FHIT: variants seen among roughly 807,000 people sequenced by gnomAD.
The protein encoded by FHIT is bis(5'-adenosyl)-triphosphatase.
Under a neutral mutation model 17.9 loss-of-function variants are expected in FHIT, and 19 were observed. The ratio of observed to expected loss-of-function variants is 1.06; its 90% confidence interval spans 0.74 to 1.56. The LOEUF is 1.56. Ranked by LOEUF, FHIT falls within the 40% of genes most tolerant of loss-of-function variation. The probability of loss-of-function intolerance (pLI) is 0.00; values close to 1 mark genes in which losing one functional copy is unlikely to be tolerated. For synonymous variants in FHIT, 81 were observed against 69.7 expected (o/e 1.16, Z -0.81); for missense variants, 248 against 189.2 (o/e 1.31, Z -1.82).
chr3:59,844,871 A>G (rs1162037580), intron 8 of FHIT, among the ~76,000 whole-genome samples: 1 of 152,126 alleles, frequency 6.6e-6, no homozygotes, highest in African/African-American at 2.4e-5. Context: ...TTTGAAAAAG[A>G]TCGGTTTAGT....
At chr3:60,224,896 T>C (rs985466416) in intron 5 of FHIT, among the ~76,000 whole-genome samples, 32 of 151,930 alleles carry the variant, frequency 2.1e-4, no homozygotes, top group African/African-American at 5.8e-4. Context: ...AATTTTTGTA[T>C]TTTTAGTAGA....
At chr3:60,613,465 A>G (rs1400319093) in intron 4 of FHIT, among the ~76,000 whole-genome samples, 1 of 152,198 alleles carries the variant, frequency 6.6e-6, no homozygotes, top group Non-Finnish European at 1.5e-5. Flanking sequence ...AGTGAAGCTC[A>G]GGGTTTAGCA....
At chr3:60,121,396 T>G in intron 5 of FHIT, among the ~76,000 whole-genome samples, 1 of 152,100 alleles carries the variant, frequency 6.6e-6, no homozygotes, top group East Asian at 1.9e-4. Flanking sequence ...TGAAAATACA[T>G]GTGTACAGGC....
chr3:60,634,868 C>T (rs2039540041), intron 4 of FHIT, among the ~76,000 whole-genome samples: 1 of 152,266 alleles, frequency 6.6e-6, no homozygotes, highest in South Asian at 2.1e-4. Flanking sequence ...GTGGAAAATA[C>T]CTTATTTTAG....
intron 7 of FHIT, among the ~76,000 whole-genome samples, chr3:59,971,008 C>T (rs184664829): frequency 3.9e-5 from 6 of 152,104 alleles, no homozygotes; most frequent in Admixed American, 3.9e-4. Context: ...TTGTCAGCAG[C>T]TCAGCTGCAC....
chr3:59,752,338 A>T lies in FHIT; in HGVS notation c.349-17T>A, dbSNP rs1683356. ...TTTCTGGAGCTTTGGAGAAAAAAAA[A>T]GGAAGAGGCTCTTTCATGGGCCCTT... On this transcript the variant is annotated splice_polypyrimidine_tract_variant and intron_variant, in intron 8 of 9. Coordinates refer to ENST00000492590, the MANE Select transcript of FHIT (RefSeq NM_002012.4). 0.15 allele frequency: 246,370 copies of T among 1,598,052 alleles called. 21,405 individuals carry two copies. Among genetic ancestry groups the T allele is most frequent in the African/African-American group, 0.31 (22,707 of 74,284 alleles).
chr3:60,909,386 A>G (rs1160146757), intron 3 of FHIT, among the ~76,000 whole-genome samples: 1 of 151,410 alleles, frequency 6.6e-6, no homozygotes, highest in East Asian at 1.9e-4. Flanking sequence ...AAAAAAAAAA[A>G]TGAGGGTAAT....
intron 5 of FHIT, among the ~76,000 whole-genome samples, chr3:60,206,794 G>A (rs1703212403): frequency 6.6e-6 from 1 of 151,598 alleles, no homozygotes; most frequent in Admixed American, 6.6e-5. Context: ...TAATAAAAGA[G>A]GCTGCCCTTT....
rs1255511483 is a variant in FHIT at position 59,748,235 on chromosome 3, T to A, written c.*1350A>T. On this transcript the variant is annotated 3_prime_UTR_variant, in exon 10 of 10. Coordinates refer to ENST00000492590, the MANE Select transcript of FHIT (RefSeq NM_002012.4). ...AAAGTTTAAGATATATATACTAAAA[T>A]TCAAAAAGTGAATCAAGTAAATAAT... 6.6e-6 allele frequency among the ~76,000 whole-genome samples: 1 copy of A among 152,122 alleles called. No homozygotes were observed. Among genetic ancestry groups the A allele is most frequent in the Non-Finnish European group, 1.5e-5 (1 of 68,002 alleles).
chr3:60,829,124 A>C (rs1257758946), intron 3 of FHIT, among the ~76,000 whole-genome samples: 1 of 152,254 alleles, frequency 6.6e-6, no homozygotes, highest in East Asian at 1.9e-4. Flanking sequence ...CAACTATGTG[A>C]CAAGCACCTA....
At chr3:60,398,780 T>C (rs1701553317) in intron 5 of FHIT, among the ~76,000 whole-genome samples, 1 of 152,132 alleles carries the variant, frequency 6.6e-6, no homozygotes, top group African/African-American at 2.4e-5. Context: ...TTTGATTTCA[T>C]AGGAGTTAAG....
Position 60,325,624 on chromosome 3 carries a change from T to C in FHIT, c.103+211236A>G, listed in dbSNP as rs1709656673. ...ACATTTTTAATCTAACAGGTTTTAG[T>C]GAATAAAACAATGATGTAGATATAA... On this transcript the variant is annotated intron_variant, in intron 5 of 9. Transcript: ENST00000492590. Among the ~76,000 whole-genome samples, 3 of 152,206 alleles carry C rather than the reference T, an allele frequency of 2.0e-5. No homozygotes were observed. The South Asian group carries it at 6.2e-4, about 31-fold the overall frequency.
At chr3:60,910,567 A>G (rs1401163560) in intron 3 of FHIT, among the ~76,000 whole-genome samples, 2 of 151,526 alleles carry the variant, frequency 1.3e-5, no homozygotes, top group African/African-American at 4.8e-5. Context: ...GCCCACCACC[A>G]CGCCCGGCTA....
chr3:60,455,030 A>C (rs1255448459), intron 5 of FHIT, among the ~76,000 whole-genome samples: 5 of 152,166 alleles, frequency 3.3e-5, no homozygotes, highest in Non-Finnish European at 4.4e-5. Flanking sequence ...ATATTATAGT[A>C]TGAGTACCTT....
At chr3:60,963,561 G>A (rs1235975392) in intron 3 of FHIT, among the ~76,000 whole-genome samples, 2 of 152,060 alleles carry the variant, frequency 1.3e-5, no homozygotes, top group African/African-American at 4.8e-5. Context: ...TCTCCTGTGG[G>A]CATTTAGTGC....
chr3:61,134,016 G>A (rs1204863843), intron 2 of FHIT, among the ~76,000 whole-genome samples: 1 of 151,914 alleles, frequency 6.6e-6, no homozygotes, highest in East Asian at 1.9e-4. Context: ...TTGAACTCGG[G>A]AGGCGGAGGT....
intron 5 of FHIT, among the ~76,000 whole-genome samples, chr3:60,259,769 G>T (rs181656729): frequency 2.6e-4 from 39 of 152,168 alleles, no homozygotes; most frequent in African/African-American, 8.9e-4. Context: ...CACCCCAAGT[G>T]CTGTTACCAT....
intron 5 of FHIT, among the ~76,000 whole-genome samples, chr3:60,104,587 G>C (rs1381135596): frequency 6.6e-6 from 1 of 151,346 alleles, no homozygotes; most frequent in Non-Finnish European, 1.5e-5. Context: ...AGTGATACTA[G>C]AAGAACAATC....
At chr3:60,665,013 T>C (rs1553692110) in intron 4 of FHIT, among the ~76,000 whole-genome samples, 1 of 151,996 alleles carries the variant, frequency 6.6e-6, no homozygotes, top group African/African-American at 2.4e-5. Context: ...ACTTTATTTT[T>C]CTCGTTTCTC....
Sources: allele counts gnomAD v4.1 joint callset (sites outside exome capture counted in the v4.1 genomes callset), GRCh38; gene constraint gnomAD v4.1.1; transcripts MANE v1.5; gene names NCBI Gene and HGNC (gene_info 2026-07-23, HGNC 2026-07-21).